POLH: variants seen among roughly 807,000 people sequenced by gnomAD.
The protein encoded by POLH is DNA polymerase eta transcript.
Under a neutral mutation model 73.6 loss-of-function variants are expected in POLH, and 53 were observed. The ratio of observed to expected loss-of-function variants is 0.72; its 90% CI spans 0.58 to 0.91. The LOEUF is 0.91. POLH is among the 40% of genes least tolerant of loss of function. The pLI is 0.00. For synonymous variants in POLH, 292 were observed against 308.5 expected (o/e 0.95, Z 0.56); for missense variants, 768 against 865.4 (o/e 0.89, Z 1.41).
intron 4 of POLH, among the ~76,000 whole-genome samples, chr6:43,588,934 T>C (rs988669676): frequency 2.7e-5 from 4 of 150,558 alleles, no homozygotes; most frequent in Non-Finnish European, 5.9e-5. Flanking sequence ...GCCTCCCGGG[T>C]TCACGCCATT....
At position 43,618,765 on chromosome 6, in the gene POLH, G is replaced by T. The variant is rs987807067; in HGVS notation, c.*4208G>T. Among the ~76,000 whole-genome samples the T allele has an allele frequency of 2.3e-4, 35 of 152,078 alleles. No homozygotes were observed. Among genetic ancestry groups the T allele is most frequent in the Middle Eastern group, 6.8e-3 (2 of 294 alleles). On this transcript the variant is annotated 3_prime_UTR_variant, in exon 11 of 11. Transcript: ENST00000372236. ...CCTGCATCAGCCTCCTGAGTAGCTG[G>T]GATTATAGGCATGCACCATCACGCC...
chr6:43,587,522 C>T, intron 4 of POLH, 33 bp downstream of exon 4: 1 of 1,476,384 alleles, frequency 6.8e-7, no homozygotes, highest in Non-Finnish European at 9.5e-7. Context: ...CTTCTGCTTC[C>T]TGCCTTTGGA....
chr6:43,604,097 C>T, intron 7 of POLH, 86 bp downstream of exon 7: 1 of 1,108,156 alleles, frequency 9.0e-7, no homozygotes, highest in South Asian at 1.3e-5. Context: ...AAAATCCAGA[C>T]CTATCTTTAG....
chr6:43,601,322 A>G (rs1561908225), intron 6 of POLH, among the ~76,000 whole-genome samples: 2 of 151,974 alleles, frequency 1.3e-5, no homozygotes, highest in East Asian at 1.9e-4. Flanking sequence ...CTAGAGTGCA[A>G]TGGCACGGTG....
At chr6:43,584,752 C>T (rs932729970) in intron 3 of POLH, among the ~76,000 whole-genome samples, 7 of 152,190 alleles carry the variant, frequency 4.6e-5, no homozygotes, top group African/African-American at 1.7e-4. Context: ...AGTTGGGGTT[C>T]CTGCAACCCC....
chr6:43,602,004 G>A (rs991085269), intron 6 of POLH, among the ~76,000 whole-genome samples: 2 of 152,204 alleles, frequency 1.3e-5, no homozygotes, highest in African/African-American at 2.4e-5. Flanking sequence ...GTTGCAGTGA[G>A]CCAAAATGGC....
rs1764376186 is a variant in POLH at position 43,582,354 on chromosome 6, T to G, written c.35T>G (p.Val12Gly). 3 of 1,614,030 alleles carry G rather than the reference T, an allele frequency of 1.9e-6. No individual in the cohort carries two copies. The highest frequency in any genetic ancestry group is 1.3e-5 in the African/African-American group (1 of 74,938). The part of the protein sequence containing the change: ...ATGQDRVVAL[V>G]DMDCFFVQVE... ...GGACAGGATCGAGTGGTTGCTCTCGTGGACATGGACTGTTTTTTTGTTCAA... is the reference window on the plus strand; with the variant it reads ...GGACAGGATCGAGTGGTTGCTCTCGGGGACATGGACTGTTTTTTTGTTCAA... The change falls in exon 2 of 11, where the codon GTG becomes GGG. Residue 12 changes from valine (V) to glycine (G), a missense_variant. Transcript: ENST00000372236.
Position 43,614,367 on chromosome 6 carries a change from T to A in POLH, c.1952T>A (p.Met651Lys), listed in dbSNP as rs200496091. 5 of 1,613,908 alleles carry A rather than the reference T, an allele frequency of 3.1e-6. No individual in the cohort carries two copies. In the East Asian group the frequency reaches 6.7e-5, roughly 22 times the overall value. ...LVPVWDMPEH[M>K]DYHFALELQK... Reference sequence around the variant, plus strand: ...CCGGTATGGGATATGCCAGAACACATGGACTATCATTTTGCATTGGAGTTG... The same window carrying A: ...CCGGTATGGGATATGCCAGAACACAAGGACTATCATTTTGCATTGGAGTTG... The change falls in exon 11 of 11, where the codon ATG becomes AAG. Residue 651 changes from methionine to lysine, a missense_variant. Coordinates refer to ENST00000372236, the MANE Select transcript of POLH (RefSeq NM_006502.3).
chr6:43,578,922 A>G lies in POLH; in HGVS notation c.-5+2482A>G, dbSNP rs77749725. ...ATGGTGAGCCTATTTTTATGTGCCA[A>G]TTGGCTATGTTTGTATTTTGTGGTT... is the stretch of plus-strand genomic sequence containing the variant. On this transcript the variant is annotated intron_variant, in intron 1 of 10. Transcript: ENST00000372236. 3.4e-3 allele frequency among the ~76,000 whole-genome samples: 517 copies of G among 152,154 alleles called. 8 individuals are homozygous for G. The highest frequency in any genetic ancestry group is 8.1e-4 in the Non-Finnish European group (55 of 68,006).
At chr6:43,606,324 G>A (rs1367617240) in intron 9 of POLH, among the ~76,000 whole-genome samples, 2 of 151,320 alleles carry the variant, frequency 1.3e-5, no homozygotes, top group Admixed American at 6.6e-5. Flanking sequence ...CCCCATCCCA[G>A]GTAACCACTG....
chr6:43,590,426 T>A (rs1765326526), intron 4 of POLH, among the ~76,000 whole-genome samples: 1 of 151,480 alleles, frequency 6.6e-6, no homozygotes, highest in Non-Finnish European at 1.5e-5. Flanking sequence ...ATTCCAGGTC[T>A]AAGAATTTGC....
chr6:43,594,448 C>T (rs1418195192), intron 4 of POLH, among the ~76,000 whole-genome samples: 1 of 152,152 alleles, frequency 6.6e-6, no homozygotes, highest in Non-Finnish European at 1.5e-5. Flanking sequence ...TTTGGCCGGG[C>T]ACAGTGGCTC....
At chr6:43,598,634 CAAAAAA>C (rs1044403826) in intron 5 of POLH, among the ~76,000 whole-genome samples, 2 of 101,996 alleles carry the variant, frequency 2.0e-5, no homozygotes, top group Admixed American at 1.0e-4. Flanking sequence ...GACTCCGTCT[CAAAAAA>C]AAAAAAAGAA....
rs1379541520 is a variant in POLH, at chr6:43,613,925, C to T, written c.1510C>T (p.Pro504Ser). 3.7e-6 allele frequency: 6 copies of T among 1,613,906 alleles called. No individual in the cohort carries two copies. Among genetic ancestry groups the T allele is most frequent in the Non-Finnish European group, 5.1e-6 (6 of 1,180,052 alleles). ...AGCTTCGCTTTCATCTCTTACTGCT[C>T]CCACTCAGGCTCCCATGAGCAATTC... ...KEASLSSLTA[P>S]TQAPMSNSPS... The change falls in exon 11 of 11, where the codon CCC (proline) becomes TCC (serine). Residue 504 changes from proline (P) to serine (S), a missense_variant. Physicochemically the swap from Pro to Ser is moderately conservative, Grantham distance 74. Coordinates refer to ENST00000372236, the MANE Select transcript of POLH (RefSeq NM_006502.3).
Position 43,616,865 on chromosome 6 carries a change from G to C in POLH, c.*2308G>C, listed in dbSNP as rs1448721493. On this transcript the variant is annotated 3_prime_UTR_variant, in exon 11 of 11. Transcript: ENST00000372236. ...GTAGAATTAGATTGCTACTTGACTA[G>C]TTCAGGAACTCTGTTTAGATCTGAT... 6.6e-6 allele frequency among the ~76,000 whole-genome samples: 1 copy of C among 152,198 alleles called. No homozygotes were observed. Among genetic ancestry groups the C allele is most frequent in the Non-Finnish European group, 1.5e-5 (1 of 68,048 alleles).
chr6:43,578,476 G>C (rs1295485280), intron 1 of POLH: 2 of 433,336 alleles, frequency 4.6e-6, no homozygotes, highest in Non-Finnish European at 9.2e-6. Context: ...TCAAATATCA[G>C]TAGTATTTAA....
intron 3 of POLH, among the ~76,000 whole-genome samples, chr6:43,584,831 A>G (rs1287191525): frequency 1.3e-5 from 2 of 152,094 alleles, no homozygotes; most frequent in Non-Finnish European, 1.5e-5. Flanking sequence ...TATGTTTATT[A>G]TAAGGGATAT....
chr6:43,605,279 C>T lies in POLH; in HGVS notation c.1034C>T (p.Ala345Val). The stretch of plus-strand genomic sequence containing the variant: ...GTACAATGGTGGCTGTTGCAATTAG[C>T]CCAGGAACTAGAGGAGAGACTGACT... Reference protein sequence around the residue: ...EQVQWWLLQLAQELEERLTKD... With the variant: ...EQVQWWLLQLVQELEERLTKD... Residue 345 changes from alanine (A) to valine (V), a missense_variant, in exon 9 of 11, where the codon GCC (alanine) becomes GTC (valine). Physicochemically the swap from Ala to Val is moderately conservative, Grantham distance 64. Coordinates refer to ENST00000372236, the MANE Select transcript of POLH (RefSeq NM_006502.3). The T allele has an allele frequency of 6.3e-7, 1 of 1,595,048 alleles. No homozygotes were observed. Among genetic ancestry groups the T allele is most frequent in the Non-Finnish European group, 8.6e-7 (1 of 1,163,040 alleles).
intron 9 of POLH, among the ~76,000 whole-genome samples, chr6:43,607,068 T>C (rs1767382082): frequency 1.3e-5 from 2 of 152,228 alleles, no homozygotes; most frequent in African/African-American, 2.4e-5. Context: ...TATTGTAGCA[T>C]GTATTAGTAC....
Sources: gnomAD v4.1 joint callset for allele counts (sites outside exome capture counted in the v4.1 genomes callset) on GRCh38, gnomAD v4.1.1 for gene constraint, MANE v1.5 for transcripts, NCBI Gene and HGNC (gene_info 2026-07-23, HGNC 2026-07-21) for gene names.